Variants in BMPR1B observed in about 807,000 individuals in gnomAD.
The protein encoded by BMPR1B is bone morphogenetic protein receptor type 1B, also known as bone morphogenetic protein receptor type-1B.
Under a neutral mutation model 59.1 loss-of-function variants are expected in BMPR1B, and 12 were observed. The observed-to-expected ratio is 0.20, with a 90% confidence interval of 0.13 to 0.33. The LOEUF is 0.33. Among genes scored for constraint, BMPR1B ranks in the 10% least tolerant of loss-of-function variants. BMPR1B has a pLI of 1.00. For missense variants in BMPR1B, 550 were observed against 610.9 expected (o/e 0.90, Z 1.05); for synonymous variants, 237 against 207.3 (o/e 1.14, Z -1.23).
chr4:95,046,079 C>T (rs1726038561), intron 3 of BMPR1B, among the ~76,000 whole-genome samples: 1 of 151,234 alleles, frequency 6.6e-6, no homozygotes. Context: ...TATAATTTGA[C>T]TTTTTTTTTG....
At position 94,808,393 on chromosome 4, in the gene BMPR1B, A is replaced by G. The variant is rs560301204; in HGVS notation, c.-183+50325A>G. On this transcript the variant is annotated intron_variant, in intron 1 of 12. Coordinates refer to ENST00000515059, the MANE Select transcript of BMPR1B (RefSeq NM_001203.3). Reference sequence around the variant, plus strand: ...CTATTTGATAATATAGCAACATTACATAATTTTAATTTTAATGGCTACTGA... The same window carrying G: ...CTATTTGATAATATAGCAACATTACGTAATTTTAATTTTAATGGCTACTGA... Among the ~76,000 whole-genome samples the G allele has an allele frequency of 4.6e-5, 7 of 152,330 alleles. No individual in the cohort carries two copies. The East Asian group carries it at 1.3e-3, about 29-fold the overall frequency.
chr4:94,847,883 C>T (rs1472915895), intron 1 of BMPR1B, among the ~76,000 whole-genome samples: 1 of 151,974 alleles, frequency 6.6e-6, no homozygotes, highest in Admixed American at 6.6e-5. Context: ...TAGCAGCCAA[C>T]AGTAATTTAT....
intron 2 of BMPR1B, among the ~76,000 whole-genome samples, chr4:94,978,105 T>C (rs1460872594): frequency 1.3e-5 from 2 of 152,222 alleles, no homozygotes; most frequent in Non-Finnish European, 2.9e-5. Flanking sequence ...GGCCCTTCTG[T>C]CTTCCATATG....
At chr4:94,878,318 A>G (rs938494381) in intron 2 of BMPR1B, among the ~76,000 whole-genome samples, 5 of 152,214 alleles carry the variant, frequency 3.3e-5, no homozygotes, top group African/African-American at 1.2e-4. Context: ...CTAGGTTTTT[A>G]TTAGCAATTC....
rs10030345 is a variant in BMPR1B at position 94,908,167 on chromosome 4, C to T, written c.-113+32267C>T. 7.3e-3 allele frequency among the ~76,000 whole-genome samples: 1,091 copies of T among 150,284 alleles called. 16 individuals are homozygous for T. The highest frequency in any genetic ancestry group is 0.026 in the African/African-American group (1,045 of 40,962). On this transcript the variant is annotated intron_variant, in intron 2 of 12. Coordinates refer to ENST00000515059, the MANE Select transcript of BMPR1B (RefSeq NM_001203.3). Reference sequence around the variant, plus strand: ...TAGAGGAAATTTGAGCTGTTGTTGCCCTGTAACAGGAGACAAGAAGATATT... The same window carrying T: ...TAGAGGAAATTTGAGCTGTTGTTGCTCTGTAACAGGAGACAAGAAGATATT...
chr4:94,766,371 A>ATC (rs1721967772), intron 1 of BMPR1B, among the ~76,000 whole-genome samples: 1 of 149,972 alleles, frequency 6.7e-6, no homozygotes. Context: ...TCCTACAATT[A>ATC]TCTCACCCAT....
At chr4:94,828,272 C>T (rs1397402478) in intron 1 of BMPR1B, among the ~76,000 whole-genome samples, 2 of 152,112 alleles carry the variant, frequency 1.3e-5, no homozygotes, top group Non-Finnish European at 2.9e-5. Flanking sequence ...AAATGAGATA[C>T]ATGATTGAGT....
intron 2 of BMPR1B, among the ~76,000 whole-genome samples, chr4:94,986,408 A>G (rs539493863): frequency 1.7e-4 from 26 of 152,322 alleles, no homozygotes; most frequent in African/African-American, 6.3e-4. Flanking sequence ...AATCTCATGA[A>G]CGTAAAGTTT....
At chr4:94,985,389 C>G (rs907502440) in intron 2 of BMPR1B, among the ~76,000 whole-genome samples, 1 of 151,900 alleles carries the variant, frequency 6.6e-6, no homozygotes, top group Non-Finnish European at 1.5e-5. Flanking sequence ...TCAAGAATCT[C>G]GAGTAGATAG....
chr4:94,856,640 T>C (rs1041890801), intron 1 of BMPR1B, among the ~76,000 whole-genome samples: 1 of 152,222 alleles, frequency 6.6e-6, no homozygotes, highest in African/African-American at 2.4e-5. Flanking sequence ...TTCATATCTT[T>C]CTACATTCTT....
intron 1 of BMPR1B, among the ~76,000 whole-genome samples, chr4:94,825,208 A>G (rs1034726404): frequency 2.0e-5 from 3 of 152,118 alleles, no homozygotes; most frequent in East Asian, 1.9e-4. Context: ...ACTTTCAGCT[A>G]TAAGAATAGT....
intron 2 of BMPR1B, among the ~76,000 whole-genome samples, chr4:94,918,652 C>T (rs188422317): frequency 6.6e-6 from 1 of 151,828 alleles, no homozygotes; most frequent in Admixed American, 6.6e-5. Flanking sequence ...CTCTAGTTTT[C>T]CAGCCTGGGC....
At chr4:94,851,969 T>C (rs1270984534) in intron 1 of BMPR1B, among the ~76,000 whole-genome samples, 7 of 152,166 alleles carry the variant, frequency 4.6e-5, no homozygotes, top group Non-Finnish European at 1.0e-4. Flanking sequence ...TATCAGTAAG[T>C]GTTTGTTGCA....
Position 94,775,234 on chromosome 4 carries a change from T to C in BMPR1B, c.-183+17166T>C, listed in dbSNP as rs1181058226. Among the ~76,000 whole-genome samples, 5 of 152,208 alleles carry C rather than the reference T, an allele frequency of 3.3e-5. No homozygotes were observed. The East Asian group carries it at 5.8e-4, about 18-fold the overall frequency. The stretch of plus-strand genomic sequence containing the variant: ...TCAATAAATGTTCACTCTTGTTCTT[T>C]ATTTTTAGATGTCTTAAATGGCATT... On this transcript the variant is annotated intron_variant, in intron 1 of 12. Coordinates refer to ENST00000515059, the MANE Select transcript of BMPR1B (RefSeq NM_001203.3).
intron 2 of BMPR1B, among the ~76,000 whole-genome samples, chr4:94,989,300 A>C (rs1023944991): frequency 6.6e-6 from 1 of 151,422 alleles, no homozygotes; most frequent in South Asian, 2.1e-4. Flanking sequence ...GAGGCAAGAG[A>C]CTCACTTGAA....
intron 2 of BMPR1B, among the ~76,000 whole-genome samples, chr4:94,917,541 G>A (rs372791199): frequency 6.6e-6 from 1 of 152,190 alleles, no homozygotes; most frequent in Admixed American, 6.5e-5. Context: ...CTTCAGTGGG[G>A]TCTGTAGCCT....
intron 3 of BMPR1B, among the ~76,000 whole-genome samples, chr4:95,089,762 G>GCA (rs1312732930): frequency 6.6e-6 from 1 of 151,998 alleles, no homozygotes; most frequent in Non-Finnish European, 1.5e-5. Flanking sequence ...TTGTCCTTTG[G>GCA]CAGTCTTCTT....
At chr4:94,851,177 A>G (rs1156575021) in intron 1 of BMPR1B, among the ~76,000 whole-genome samples, 1 of 152,162 alleles carries the variant, frequency 6.6e-6, no homozygotes, top group East Asian at 1.9e-4. Flanking sequence ...TGCAAATTTC[A>G]TCAGTCAGAC....
At chr4:95,130,163 G>A in intron 9 of BMPR1B, 109 bp downstream of exon 9, 6 of 1,342,660 alleles carry the variant, frequency 4.5e-6, no homozygotes, top group Non-Finnish European at 6.3e-6. Context: ...GAAATGTATT[G>A]AAGTTTTCTT....
Sources: gnomAD v4.1 joint callset for allele counts (sites outside exome capture counted in the v4.1 genomes callset) on GRCh38, gnomAD v4.1.1 for gene constraint, MANE v1.5 for transcripts, NCBI Gene and HGNC (gene_info 2026-07-23, HGNC 2026-07-21) for gene names.